Variants in CALD1 observed in about 807,000 individuals in gnomAD.
CALD1 encodes caldesmon.
In CALD1, 33 loss-of-function variants were observed where a neutral mutation model predicts 99.9. That is an observed-to-expected ratio of 0.33 (90% CI 0.25 to 0.44). The LOEUF (loss-of-function observed/expected upper bound fraction) is 0.44. Ranked by LOEUF, CALD1 falls within the 20% of genes least tolerant of loss-of-function variation. CALD1 has a pLI of 1.00. For synonymous variants in CALD1, 310 were observed against 325.0 expected, an observed-to-expected ratio of 0.95 and a Z score of 0.50; for missense variants, 861 against 962.1, an observed-to-expected ratio of 0.89 and a Z score of 1.39.
intron 1 of CALD1, among the ~76,000 whole-genome samples, chr7:134,827,916 T>G (rs1298071719): frequency 6.6e-6 from 1 of 152,222 alleles, no homozygotes; most frequent in African/African-American, 2.4e-5. Context: ...TTCAATAGAC[T>G]ATCACCAAGA....
chr7:134,836,265 G>A (rs780565011), intron 1 of CALD1, among the ~76,000 whole-genome samples: 1 of 151,240 alleles, frequency 6.6e-6, no homozygotes, highest in Non-Finnish European at 1.5e-5. Context: ...AGTTGCTTCT[G>A]TTTGATAAGT....
intron 1 of CALD1, among the ~76,000 whole-genome samples, chr7:134,751,732 T>G (rs912057829): frequency 2.6e-5 from 4 of 152,178 alleles, no homozygotes; most frequent in Non-Finnish European, 5.9e-5. Flanking sequence ...GTCCCAGCAC[T>G]TCAGGAGGCC....
At chr7:134,920,755 A>G (rs1365766713) in intron 3 of CALD1, 2 of 1,009,820 alleles carry the variant, frequency 2.0e-6, no homozygotes, top group African/African-American at 3.3e-5. Flanking sequence ...GGTGAACTTC[A>G]ATAGCATTCA....
At chr7:134,774,027 G>T (rs1225757770) in intron 1 of CALD1, among the ~76,000 whole-genome samples, 1 of 152,010 alleles carries the variant, frequency 6.6e-6, no homozygotes, top group Non-Finnish European at 1.5e-5. Context: ...AAAATTAGCC[G>T]GGTGTGGTGG....
chr7:134,780,711 G>A (rs1562996733), intron 1 of CALD1, among the ~76,000 whole-genome samples: 1 of 152,082 alleles, frequency 6.6e-6, no homozygotes. Context: ...GCAATACATG[G>A]TCAAAAAAAG....
chr7:134,905,519 C>T (rs1187870364), intron 3 of CALD1, among the ~76,000 whole-genome samples: 1 of 152,044 alleles, frequency 6.6e-6, no homozygotes, highest in Non-Finnish European at 1.5e-5. Context: ...GGCTCCCCTG[C>T]TCTCTCCAGC....
At chr7:134,964,095 G>A (rs1459604542) in intron 13 of CALD1, among the ~76,000 whole-genome samples, 3 of 152,188 alleles carry the variant, frequency 2.0e-5, no homozygotes, top group Non-Finnish European at 4.4e-5. Flanking sequence ...TACTTGGGAG[G>A]CTGAGGCAGG....
intron 3 of CALD1, among the ~76,000 whole-genome samples, chr7:134,871,955 G>T (rs866041986): frequency 2.0e-5 from 3 of 152,194 alleles, no homozygotes; most frequent in African/African-American, 7.2e-5. Flanking sequence ...ATGTGCTTAG[G>T]ACTGGCATTT....
chr7:134,968,323 T>C lies in CALD1; in HGVS notation c.2377-17T>C, dbSNP rs769498066. ...CACACTACAGGCTGTCAATTTCAAG[T>C]TCTCTTCTCTTGGCAGGTTTGAGAC... is the stretch of plus-strand genomic sequence containing the variant. On this transcript the variant is annotated splice_polypyrimidine_tract_variant and intron_variant, in intron 14 of 14. Transcript: ENST00000361675. 11 of 1,613,610 alleles carry C rather than the reference T, an allele frequency of 6.8e-6. No homozygotes were observed. The highest frequency in any genetic ancestry group is 9.3e-6 in the Non-Finnish European group (11 of 1,179,524).
At chr7:134,857,507 G>A (rs1381336772) in intron 2 of CALD1, among the ~76,000 whole-genome samples, 1 of 152,036 alleles carries the variant, frequency 6.6e-6, no homozygotes, top group Non-Finnish European at 1.5e-5. Context: ...TTCCCTACCT[G>A]AGGAAAAGTC....
intron 1 of CALD1, among the ~76,000 whole-genome samples, chr7:134,792,709 TA>T (rs1233911184): frequency 6.6e-6 from 1 of 152,194 alleles, no homozygotes; most frequent in Non-Finnish European, 1.5e-5. Context: ...TCTGAGGTCT[TA>T]GGGGTTAGGA....
intron 2 of CALD1, among the ~76,000 whole-genome samples, chr7:134,851,404 T>C (rs754785362): frequency 2.0e-5 from 3 of 152,166 alleles, no homozygotes; most frequent in Non-Finnish European, 2.9e-5. Context: ...TTAACCTACC[T>C]ATCCCTGTTT....
chr7:134,879,532 T>C (rs1801500230), intron 3 of CALD1, among the ~76,000 whole-genome samples: 1 of 152,250 alleles, frequency 6.6e-6, no homozygotes, highest in Non-Finnish European at 1.5e-5. Context: ...TAAGCTACAT[T>C]CCATGGCTTA....
chr7:134,793,789 C>G (rs1230866374), intron 1 of CALD1, among the ~76,000 whole-genome samples: 1 of 152,102 alleles, frequency 6.6e-6, no homozygotes, highest in Admixed American at 6.5e-5. Flanking sequence ...TCTCTCTTCA[C>G]CTATCAACCA....
chr7:134,911,564 C>A (rs1803814354), intron 3 of CALD1, among the ~76,000 whole-genome samples: 1 of 152,198 alleles, frequency 6.6e-6, no homozygotes, highest in African/African-American at 2.4e-5. Context: ...TTTCATTGAT[C>A]TGCCTTTTAA....
chr7:134,954,262 G>A (rs1018960232), intron 9 of CALD1, among the ~76,000 whole-genome samples: 11 of 152,184 alleles, frequency 7.2e-5, no homozygotes, highest in African/African-American at 2.7e-4. Context: ...TAGATTTTAA[G>A]TAAATTAAAT....
intron 2 of CALD1, among the ~76,000 whole-genome samples, chr7:134,858,206 T>C (rs910256178): frequency 6.6e-6 from 1 of 152,182 alleles, no homozygotes; most frequent in Non-Finnish European, 1.5e-5. Flanking sequence ...TTCTGAACTT[T>C]CATTCCATGT....
chr7:134,848,327 C>T (rs1364730331), intron 2 of CALD1, among the ~76,000 whole-genome samples: 2 of 152,170 alleles, frequency 1.3e-5, no homozygotes, highest in African/African-American at 4.8e-5. Context: ...CTAACACCAG[C>T]CTCTAAGAGC....
At chr7:134,857,954 T>C (rs1454783944) in intron 2 of CALD1, among the ~76,000 whole-genome samples, 1 of 152,194 alleles carries the variant, frequency 6.6e-6, no homozygotes, top group Non-Finnish European at 1.5e-5. Flanking sequence ...TGGATTTGCA[T>C]CCTGCCATCT....
Sources: allele counts gnomAD v4.1 joint callset (sites outside exome capture counted in the v4.1 genomes callset), GRCh38; gene constraint gnomAD v4.1.1; transcripts MANE v1.5; gene names NCBI Gene and HGNC (gene_info 2026-07-23, HGNC 2026-07-21).